The following IL19 variants were observed in gnomAD, a reference collection of about 807,000 sequenced individuals.
IL19 encodes the protein interleukin-19.
Under a neutral mutation model 19.5 loss-of-function variants are expected in IL19, and 15 were observed. That is an observed-to-expected ratio of 0.77 (90% confidence interval 0.52 to 1.19). The LOEUF is 1.19. Ranked by LOEUF, IL19 falls within the 50% of genes most tolerant of loss-of-function variation. The probability of loss-of-function intolerance (pLI) is 0.00; values close to 1 mark genes in which losing one functional copy is unlikely to be tolerated. For missense variants in IL19, 199 were observed against 213.1 expected, an observed-to-expected ratio of 0.93 and a Z score of 0.41; for synonymous variants, 78 against 78.3, an observed-to-expected ratio of 1.00 and a Z score of 0.02.
intron 1 of IL19, among the ~76,000 whole-genome samples, chr1:206,788,898 G>A (rs1021800111): frequency 3.3e-5 from 5 of 152,170 alleles, no homozygotes; most frequent in African/African-American, 1.2e-4. Context: ...TTTTTGCTAA[G>A]TTATTCTCTG....
intron 2 of IL19, among the ~76,000 whole-genome samples, chr1:206,807,602 A>C (rs929113667): frequency 6.6e-5 from 10 of 152,190 alleles, no homozygotes; most frequent in Non-Finnish European, 1.0e-4. Context: ...ATCTGAAAAT[A>C]AGTTTCCTTT....
chr1:206,825,447 AT>A (rs1210831167), intron 2 of IL19, among the ~76,000 whole-genome samples: 1 of 152,170 alleles, frequency 6.6e-6, no homozygotes, highest in Non-Finnish European at 1.5e-5. Context: ...CAAGATCAAA[AT>A]TTTTCCTTCT....
chr1:206,792,766 C>A (rs185921581), intron 1 of IL19, among the ~76,000 whole-genome samples: 3 of 152,140 alleles, frequency 2.0e-5, no homozygotes, highest in African/African-American at 7.2e-5. Context: ...GATGTATGTA[C>A]CTCTCTTAAG....
chr1:206,818,756 T>C (rs894607220), intron 2 of IL19, among the ~76,000 whole-genome samples: 3 of 152,176 alleles, frequency 2.0e-5, no homozygotes, highest in African/African-American at 7.2e-5. Context: ...CTGCTCCAGA[T>C]CTTACTTAGG....
intron 1 of IL19, among the ~76,000 whole-genome samples, chr1:206,787,282 TA>T (rs901142079): frequency 4.6e-5 from 7 of 152,194 alleles, no homozygotes; most frequent in East Asian, 1.9e-4. Context: ...ATTTCATTTT[TA>T]AAAAAATCCT....
At chr1:206,827,504 C>A (rs1676466360) in intron 2 of IL19, among the ~76,000 whole-genome samples, 1 of 152,074 alleles carries the variant, frequency 6.6e-6, no homozygotes, top group Non-Finnish European at 1.5e-5. Flanking sequence ...TCCTGGCTAA[C>A]ACAGTGAAAC....
chr1:206,799,944 C>T (rs1273561007), intron 2 of IL19, among the ~76,000 whole-genome samples: 2 of 152,216 alleles, frequency 1.3e-5, no homozygotes, highest in Non-Finnish European at 2.9e-5. Flanking sequence ...AACATCTCAT[C>T]CCCTCTCCCA....
At chr1:206,818,821 T>C (rs898524188) in intron 2 of IL19, among the ~76,000 whole-genome samples, 15 of 150,700 alleles carry the variant, frequency 1.0e-4, no homozygotes, top group Non-Finnish European at 3.0e-5. Context: ...TTCTTTCTTT[T>C]TTTTTTTTTG....
At chr1:206,796,614 C>T (rs966022108) in intron 1 of IL19, among the ~76,000 whole-genome samples, 1 of 152,126 alleles carries the variant, frequency 6.6e-6, no homozygotes, top group African/African-American at 2.4e-5. Flanking sequence ...TTTAGATACA[C>T]AAATAACCTA....
At chr1:206,800,254 C>T (rs923881506) in intron 2 of IL19, among the ~76,000 whole-genome samples, 1 of 152,238 alleles carries the variant, frequency 6.6e-6, no homozygotes, top group Non-Finnish European at 1.5e-5. Context: ...ATCAATCAGT[C>T]AACACCGTTT....
intron 2 of IL19, among the ~76,000 whole-genome samples, chr1:206,806,250 C>G (rs556072036): frequency 1.3e-5 from 2 of 152,150 alleles, no homozygotes; most frequent in Admixed American, 6.5e-5. Context: ...ATATGGACTG[C>G]AAATAAGGGA....
intron 1 of IL19, among the ~76,000 whole-genome samples, chr1:206,781,963 ATG>A (rs1558606391): frequency 1.1e-5 from 1 of 90,876 alleles, no homozygotes; most frequent in African/African-American, 3.9e-5. Flanking sequence ...ATACATATAT[ATG>A]TATATGTTAT....
chr1:206,797,481 A>G (rs1675553027), intron 1 of IL19, among the ~76,000 whole-genome samples: 1 of 152,058 alleles, frequency 6.6e-6, no homozygotes, highest in Admixed American at 6.6e-5. Context: ...CTGCTACTGT[A>G]GCTTATCCTG....
At chr1:206,772,344 G>T (rs752491913) in intron 1 of IL19, 1 of 1,614,070 alleles carries the variant, frequency 6.2e-7, no homozygotes, top group African/African-American at 1.3e-5. Flanking sequence ...TGGGAAGTGG[G>T]TGCAGCTGTT....
chr1:206,814,690 T>TCTCACA (rs150151755), intron 2 of IL19, among the ~76,000 whole-genome samples: 2 of 140,470 alleles, frequency 1.4e-5, no homozygotes, highest in African/African-American at 2.8e-5. Flanking sequence ...TGAAACTCTG[T>TCTCACA]CACACACACA....
At chr1:206,837,990 G>C (rs563359309) in intron 4 of IL19, among the ~76,000 whole-genome samples, 1 of 152,318 alleles carries the variant, frequency 6.6e-6, no homozygotes, top group East Asian at 1.9e-4. Flanking sequence ...CTGTGGCTTA[G>C]GGGTAATTTT....
chr1:206,832,628 C>G (rs538571744), intron 2 of IL19, among the ~76,000 whole-genome samples: 11 of 152,132 alleles, frequency 7.2e-5, no homozygotes, highest in Non-Finnish European at 1.6e-4. Context: ...TGATAAACTC[C>G]CCATCTCCAT....
intron 1 of IL19, among the ~76,000 whole-genome samples, chr1:206,795,246 C>A (rs188140806): frequency 0.063 from 9,622 of 152,250 alleles, 358 homozygotes; most frequent in Middle Eastern, 0.075. Context: ...ACAGATATGT[C>A]ACCTTGAAGC....
chr1:206,826,303 TC>T (rs1676431815), intron 2 of IL19, among the ~76,000 whole-genome samples: 1 of 152,150 alleles, frequency 6.6e-6, no homozygotes, highest in Non-Finnish European at 1.5e-5. Flanking sequence ...AATGGCTTTG[TC>T]CCCAGGACAT....
Sources: allele counts gnomAD v4.1 joint callset (sites outside exome capture counted in the v4.1 genomes callset), GRCh38; gene constraint gnomAD v4.1.1; transcripts MANE v1.5; gene names NCBI Gene and HGNC (gene_info 2026-07-23, HGNC 2026-07-21).